PYROXD1: variants seen among roughly 807,000 people sequenced by gnomAD.
The protein encoded by PYROXD1 is tRNA ligase complex-associated NAD(P)H dehydrogenase PYROXD1.
PYROXD1 carries 42 observed loss-of-function variants against 62.0 expected under a neutral mutation model. That is an observed-to-expected ratio of 0.68 (90% CI 0.53 to 0.88). The LOEUF (loss-of-function observed/expected upper bound fraction) is 0.88, where lower values mean the gene tolerates loss of function less well. PYROXD1 is among the 40% of genes least tolerant of loss of function. The pLI is 0.00. For synonymous variants in PYROXD1, 170 were observed against 206.4 expected (o/e 0.82, Z 1.51); for missense variants, 493 against 604.8 (o/e 0.82, Z 1.94).
chr12:21,455,045 T>C, intron 5 of PYROXD1, 87 bp from the exon 6 acceptor site: 1 of 661,148 alleles, frequency 1.5e-6, no homozygotes, highest in South Asian at 5.2e-5. Context: ...TCCCTACTTT[T>C]GCTTCAGGAG....
chr12:21,455,462 T>TTATA (rs10595518), intron 6 of PYROXD1, among the ~76,000 whole-genome samples, 170 bp downstream of exon 6: 1 of 148,368 alleles, frequency 6.7e-6, no homozygotes, highest in South Asian at 2.1e-4. Context: ...TGTATGTATT[T>TTATA]TATATATATA....
intron 2 of PYROXD1, among the ~76,000 whole-genome samples, chr12:21,444,504 CTT>C (rs1942350582): frequency 6.6e-6 from 1 of 152,186 alleles, no homozygotes; most frequent in South Asian, 2.1e-4. Flanking sequence ...TGATTCATGA[CTT>C]GTATAATTTT....
intron 4 of PYROXD1, 68 bp from the exon 5 acceptor site, chr12:21,452,013 A>G: frequency 1.1e-6 from 1 of 899,926 alleles, no homozygotes; most frequent in African/African-American, 1.7e-5. Flanking sequence ...AATATTATCG[A>G]AGCCTCATAT....
chr12:21,438,069 G>C, intron 1 of PYROXD1: 2 of 544,650 alleles, frequency 3.7e-6, no homozygotes, highest in South Asian at 4.6e-5. Context: ...TCCGTGCTCA[G>C]ATCCTTGTAA....
intron 2 of PYROXD1, among the ~76,000 whole-genome samples, chr12:21,445,047 T>C (rs527629634): frequency 6.6e-6 from 1 of 152,298 alleles, no homozygotes; most frequent in South Asian, 2.1e-4. Flanking sequence ...ATAAATAAGC[T>C]GTTTGGCTAA....
chr12:21,445,277 TTTA>T (rs926925003), intron 2 of PYROXD1, 67 bp from the exon 3 acceptor site: 2 of 1,403,306 alleles, frequency 1.4e-6, no homozygotes, highest in African/African-American at 2.9e-5. Flanking sequence ...GCAAAGTATT[TTTA>T]TTATTTAAGA....
At position 21,452,135 on chromosome 12, in the gene PYROXD1, GGTATTGCACTT is replaced by G. The variant is rs1942511906; in HGVS notation, c.471_481del (p.Ile158ValfsTer4). The G allele has an allele frequency of 6.3e-7, 1 of 1,578,076 alleles. No homozygotes were observed. Among genetic ancestry groups the G allele is most frequent in the East Asian group, 2.3e-5 (1 of 43,654 alleles). On this transcript the variant is annotated frameshift_variant, in exon 5 of 12. Transcript: ENST00000240651. LOFTEE classifies it high-confidence loss of function. The stretch of plus-strand genomic sequence containing the variant: ...AAGAATAATGATCATAGGGAACGGT[GGTATTGCACTT>G]GAGTTAGTGTAAGTATATATTTTTA...
intron 6 of PYROXD1, among the ~76,000 whole-genome samples, chr12:21,455,791 C>T (rs895688295): frequency 6.6e-6 from 1 of 151,882 alleles, no homozygotes; most frequent in African/African-American, 2.4e-5. Context: ...TTATACTCAA[C>T]ACACAACTGA....
chr12:21,437,865 T>C (rs745532677), intron 1 of PYROXD1, 51 bp downstream of exon 1: 73 of 1,508,900 alleles, frequency 4.8e-5, no homozygotes, highest in Non-Finnish European at 6.5e-5. Flanking sequence ...CCAAAGGGGA[T>C]AGCACTGGAG....
chr12:21,445,052 G>C (rs1224075221), intron 2 of PYROXD1, among the ~76,000 whole-genome samples: 1 of 152,140 alleles, frequency 6.6e-6, no homozygotes, highest in Non-Finnish European at 1.5e-5. Context: ...TAAGCTGTTT[G>C]GCTAAACTGT....
rs1942210689 is a variant in PYROXD1 at position 21,437,655 on chromosome 12, G to A, written c.-76G>A. On this transcript the variant is annotated 5_prime_UTR_variant, in exon 1 of 12. Coordinates refer to ENST00000240651, the MANE Select transcript of PYROXD1 (RefSeq NM_024854.5). ...AAGGCACCGGAAGTGACCGCCTCGC[G>A]GCTGCTTCCTCTCCTGGAGTCCAGA... 6.9e-6 allele frequency: 10 copies of A among 1,448,996 alleles called. No homozygotes were observed. Among genetic ancestry groups the A allele is most frequent in the South Asian group, 1.2e-5 (1 of 82,476 alleles). The allele number at this position is 1,448,996 out of a possible 1,614,324, so 89.8% of individuals were successfully genotyped here.
rs1458427026 is a variant in PYROXD1 at position 21,445,483 on chromosome 12, C to A, written c.285+17C>A. The A allele has an allele frequency of 6.4e-7, 1 of 1,564,068 alleles. No homozygotes were observed. Among genetic ancestry groups the A allele is most frequent in the Non-Finnish European group, 8.6e-7 (1 of 1,160,212 alleles). ...GAAGAACACGTAAGATAATTGTTTT[C>A]TTAATAACATTTTCCATTGTTGAAT... On this transcript the variant is annotated intron_variant, in intron 3 of 11. Transcript: ENST00000240651.
chr12:21,455,962 T>C, intron 6 of PYROXD1, 33 bp from the exon 7 acceptor site: 2 of 1,377,396 alleles, frequency 1.5e-6, no homozygotes, highest in Non-Finnish European at 2.0e-6. Context: ...CTCTATCTGG[T>C]AATTTTTATA....
chr12:21,443,547 A>G (rs532305907), intron 2 of PYROXD1, among the ~76,000 whole-genome samples: 2 of 152,312 alleles, frequency 1.3e-5, no homozygotes, highest in African/African-American at 4.8e-5. Context: ...ACTGTTAAAA[A>G]GTTTTGCCCT....
chr12:21,462,717 C>T (rs547686346), intron 9 of PYROXD1, 23 bp from the exon 10 acceptor site: 11 of 1,603,574 alleles, frequency 6.9e-6, no homozygotes, highest in African/African-American at 2.7e-5. Context: ...TAACACTTAA[C>T]GCTTATGAGG....
intron 3 of PYROXD1, chr12:21,447,396 T>C (rs565620980): frequency 6.6e-6 from 1 of 152,300 alleles, no homozygotes; most frequent in South Asian, 2.1e-4. Flanking sequence ...TATTTGTAAA[T>C]TGAGGTGGGC....
intron 5 of PYROXD1, among the ~76,000 whole-genome samples, chr12:21,453,394 G>A (rs1942537228): frequency 6.6e-6 from 1 of 151,950 alleles, no homozygotes; most frequent in Non-Finnish European, 1.5e-5. Flanking sequence ...TGCGTGATTA[G>A]GTCTTTGTCT....
At chr12:21,456,326 G>A (rs961392643) in intron 7 of PYROXD1, among the ~76,000 whole-genome samples, 18 of 152,082 alleles carry the variant, frequency 1.2e-4, no homozygotes, top group African/African-American at 3.9e-4. Flanking sequence ...CTCTTGAGGT[G>A]TGATACTGTA....
intron 1 of PYROXD1, among the ~76,000 whole-genome samples, chr12:21,438,756 A>G (rs921275696): frequency 1.1e-4 from 17 of 152,210 alleles, no homozygotes; most frequent in Admixed American, 1.1e-3. Context: ...TGAAGTCATA[A>G]GAAATAGTGG....
Sources: allele counts gnomAD v4.1 joint callset (sites outside exome capture counted in the v4.1 genomes callset), GRCh38; gene constraint gnomAD v4.1.1; transcripts MANE v1.5; gene names NCBI Gene and HGNC (gene_info 2026-07-23, HGNC 2026-07-21).